NCAM1: variants seen among roughly 807,000 people sequenced by gnomAD.
The protein encoded by NCAM1 is neural cell adhesion molecule 1.
Under a neutral mutation model 109.8 loss-of-function variants are expected in NCAM1, and 14 were observed. That is an observed-to-expected ratio of 0.13 (90% CI 0.08 to 0.20). The LOEUF is 0.20. Among genes scored for constraint, NCAM1 ranks in the 10% least tolerant of loss-of-function variants. NCAM1 has a pLI of 1.00. For synonymous variants in NCAM1, 418 were observed against 442.9 expected (o/e 0.94, Z 0.70); for missense variants, 774 against 1,109.9 (o/e 0.70, Z 4.30).
chr11:112,994,581 A>T (rs1951542635), intron 1 of NCAM1, among the ~76,000 whole-genome samples: 1 of 152,186 alleles, frequency 6.6e-6, no homozygotes, highest in Admixed American at 6.5e-5. Flanking sequence ...GCCCACAGTG[A>T]TGGGACAATG....
intron 1 of NCAM1, among the ~76,000 whole-genome samples, chr11:113,075,792 G>C (rs1387525225): frequency 6.6e-6 from 1 of 152,178 alleles, no homozygotes; most frequent in Non-Finnish European, 1.5e-5. Context: ...CATAAAAGGG[G>C]AGGAATAATA....
chr11:113,198,368 T>C (rs1231661076), intron 1 of NCAM1, among the ~76,000 whole-genome samples: 1 of 150,918 alleles, frequency 6.6e-6, no homozygotes, highest in African/African-American at 2.4e-5. Context: ...CAACTTGATA[T>C]TAGAATTTTT....
chr11:113,044,852 C>T (rs1281834068), intron 1 of NCAM1, among the ~76,000 whole-genome samples: 1 of 152,040 alleles, frequency 6.6e-6, no homozygotes, highest in East Asian at 2.0e-4. Context: ...CTCGCAGGTT[C>T]ACGCCATTCT....
chr11:113,154,082 A>G (rs531537348), intron 1 of NCAM1, among the ~76,000 whole-genome samples: 8 of 152,242 alleles, frequency 5.3e-5, no homozygotes, highest in Non-Finnish European at 1.2e-4. Context: ...TAACAGGAAG[A>G]ATTGCATAAG....
intron 1 of NCAM1, among the ~76,000 whole-genome samples, chr11:113,153,230 A>T (rs1199878532): frequency 3.9e-5 from 6 of 152,078 alleles, no homozygotes; most frequent in Non-Finnish European, 7.3e-5. Flanking sequence ...TTAAGTAGAG[A>T]TGAGTTTTCA....
intron 9 of NCAM1, among the ~76,000 whole-genome samples, chr11:113,225,538 T>C (rs905552358): frequency 6.6e-6 from 1 of 152,140 alleles, no homozygotes; most frequent in African/African-American, 2.4e-5. Flanking sequence ...ACTTCCCCAA[T>C]CCAGCAAGGC....
At chr11:112,987,313 A>G (rs2134758600) in intron 1 of NCAM1, among the ~76,000 whole-genome samples, 1 of 152,256 alleles carries the variant, frequency 6.6e-6, no homozygotes, top group African/African-American at 2.4e-5. Flanking sequence ...ATGGCCTAAC[A>G]TATGGTCTGT....
At chr11:113,262,086 T>A (rs919979006) in intron 17 of NCAM1, among the ~76,000 whole-genome samples, 4 of 152,304 alleles carry the variant, frequency 2.6e-5, no homozygotes, top group Admixed American at 6.5e-5. Context: ...TCGGTTAGAC[T>A]TTCCTGGCCA....
At position 112,962,051 on chromosome 11, in the gene NCAM1, G is replaced by T. The variant is rs1321873590; in HGVS notation, c.52+387G>T. On this transcript the variant is annotated intron_variant, in intron 1 of 19. Transcript: ENST00000316851. The surrounding 1 kb of genome is among the most constrained non-coding windows in gnomAD (Gnocchi z 5.6). Reference sequence around the variant, plus strand: ...AGGTCGCGGCTCGGGTGGTGCCGCCGCACGGGCTCGGATTCCGAGGGGGAA... The same window carrying T: ...AGGTCGCGGCTCGGGTGGTGCCGCCTCACGGGCTCGGATTCCGAGGGGGAA... Among the ~76,000 whole-genome samples, 2 of 152,158 alleles carry T rather than the reference G, an allele frequency of 1.3e-5. No homozygotes were observed. Among genetic ancestry groups the T allele is most frequent in the African/African-American group, 4.8e-5 (2 of 41,438 alleles).
chr11:113,014,962 C>T (rs1261160365), intron 1 of NCAM1, among the ~76,000 whole-genome samples: 2 of 152,212 alleles, frequency 1.3e-5, no homozygotes, highest in African/African-American at 4.8e-5. Flanking sequence ...TGTGGCCCAG[C>T]CACCGTCTGC....
intron 1 of NCAM1, among the ~76,000 whole-genome samples, chr11:113,099,990 G>A (rs1939798959): frequency 6.6e-6 from 1 of 152,086 alleles, no homozygotes; most frequent in Non-Finnish European, 1.5e-5. Context: ...CCAGCCCCAG[G>A]GCTTTTTATT....
intron 1 of NCAM1, among the ~76,000 whole-genome samples, chr11:113,059,373 T>G (rs1953837162): frequency 6.6e-6 from 1 of 152,206 alleles, no homozygotes; most frequent in African/African-American, 2.4e-5. Flanking sequence ...CCTCCTGTTG[T>G]TGTGAATCAG....
chr11:113,162,918 G>A (rs1021687738), intron 1 of NCAM1, among the ~76,000 whole-genome samples: 2 of 152,196 alleles, frequency 1.3e-5, no homozygotes, highest in Non-Finnish European at 2.9e-5. Flanking sequence ...CTGGGAAAGA[G>A]GCTCTCAGCT....
chr11:113,020,901 C>A (rs1555076170), intron 1 of NCAM1, among the ~76,000 whole-genome samples: 1 of 152,096 alleles, frequency 6.6e-6, no homozygotes, highest in African/African-American at 2.4e-5. Flanking sequence ...GGATTGCAGG[C>A]ATGTGCCACC....
At chr11:112,981,245 T>C (rs1555068710) in intron 1 of NCAM1, among the ~76,000 whole-genome samples, 2 of 151,928 alleles carry the variant, frequency 1.3e-5, no homozygotes, top group Admixed American at 1.3e-4. Flanking sequence ...TCCAGTATTT[T>C]GTAATCTTTC....
rs570161851 is a variant in NCAM1 at position 113,161,692 on chromosome 11, T to G, written c.53-40687T>G. On this transcript the variant is annotated intron_variant, in intron 1 of 19. Transcript: ENST00000316851. ...AAGTCACCTTGTTTCCTCTTAAGCA[T>G]GAGGATGTAGTAAAAGAAACTCTTG... is the stretch of plus-strand genomic sequence containing the variant. 4.5e-4 allele frequency among the ~76,000 whole-genome samples: 68 copies of G among 152,334 alleles called. No individual in the cohort carries two copies. The South Asian group carries it at 0.014, about 31-fold the overall frequency.
chr11:112,974,914 T>C (rs1950968617), intron 1 of NCAM1, among the ~76,000 whole-genome samples: 1 of 152,018 alleles, frequency 6.6e-6, no homozygotes, highest in Admixed American at 6.6e-5. Flanking sequence ...AACCCACTGA[T>C]GACCTATCTC....
chr11:113,096,997 A>AC (rs151059346), intron 1 of NCAM1, among the ~76,000 whole-genome samples: 21 of 151,386 alleles, frequency 1.4e-4, no homozygotes, highest in African/African-American at 3.9e-4. Flanking sequence ...CATTTGTTGA[A>AC]CCCCCCCTGC....
chr11:113,152,788 T>C (rs1257206358), intron 1 of NCAM1, among the ~76,000 whole-genome samples: 1 of 152,208 alleles, frequency 6.6e-6, no homozygotes, highest in African/African-American at 2.4e-5. Flanking sequence ...ACACAAATAT[T>C]TGGCACCATA....
Sources: allele counts gnomAD v4.1 joint callset (sites outside exome capture counted in the v4.1 genomes callset), GRCh38; gene constraint gnomAD v4.1.1; non-coding constraint Gnocchi (gnomAD v3.1); transcripts MANE v1.5; gene names NCBI Gene and HGNC (gene_info 2026-07-23, HGNC 2026-07-21).